The following PCDH11X variants were observed in gnomAD, a reference collection of about 807,000 sequenced individuals.
The protein encoded by PCDH11X is protocadherin-11 X-linked.
PCDH11X carries 18 observed loss-of-function variants against 53.3 expected under a neutral mutation model. That is an observed-to-expected ratio of 0.34 (90% CI 0.23 to 0.50). The LOEUF (loss-of-function observed/expected upper bound fraction) is 0.50, where lower values mean the gene tolerates loss of function less well. Among genes scored for constraint, PCDH11X ranks in the 20% least tolerant of loss-of-function variants. PCDH11X has a pLI of 0.98. For synonymous variants in PCDH11X, 279 were observed against 393.3 expected (o/e 0.71, Z 3.44); for missense variants, 570 against 1,032.4 (o/e 0.55, Z 6.14).
intron 6 of PCDH11X, among the ~76,000 whole-genome samples, chrX:92,056,656 T>C (rs960521977): frequency 4.5e-5 from 5 of 110,389 alleles, no homozygotes; most frequent in African/African-American, 1.3e-4. Flanking sequence ...GAGATTCTTA[T>C]AGTTTTGGAC....
rs180797543 is a variant in PCDH11X, at chrX:92,399,050, G to T, written c.3343+11117G>T. On this transcript the variant is annotated intron_variant, in intron 9 of 10. Transcript: ENST00000682573. The stretch of plus-strand genomic sequence containing the variant: ...CTACTAAAAATATAAAAAATTAGCC[G>T]GTCGTGGTGGTGGGCGCCTGTGGTC... Among the ~76,000 whole-genome samples the T allele has an allele frequency of 7.6e-3, 830 of 108,716 alleles. 15 individuals are homozygous for T. Among genetic ancestry groups the T allele is most frequent in the African/African-American group, 0.027 (802 of 29,822 alleles). 94.4% of individuals were successfully genotyped at this position (108,716 alleles called of 115,157 possible).
chrX:92,128,440 C>T (rs1289007724), intron 6 of PCDH11X, among the ~76,000 whole-genome samples: 2 of 107,598 alleles, frequency 1.9e-5, no homozygotes, highest in African/African-American at 3.4e-5. Context: ...TGTTGTTGCC[C>T]AGGCTGAAGT....
At chrX:92,423,914 A>G in intron 9 of PCDH11X, among the ~76,000 whole-genome samples, 1 of 96,922 alleles carries the variant, frequency 1.0e-5, no homozygotes, top group African/African-American at 3.3e-5. Context: ...AAAGTCAGGT[A>G]ATATGATGCC....
At chrX:92,349,901 T>C (rs893492819) in intron 8 of PCDH11X, among the ~76,000 whole-genome samples, 2 of 107,823 alleles carry the variant, frequency 1.9e-5, no homozygotes, top group African/African-American at 6.8e-5. Flanking sequence ...AGCTTAGGTG[T>C]ATTAAATGCA....
chrX:92,563,047 GTTTTTTTTTTTTTTTTTTTT>G (rs61411325), intron 10 of PCDH11X, among the ~76,000 whole-genome samples: 2 of 43,859 alleles, frequency 4.6e-5, no homozygotes, highest in African/African-American at 1.9e-4. Flanking sequence ...CCTTGGTACC[GTTTTTTTTTTTTTTTTTTTT>G]TTTTTTTTTT....
At chrX:92,182,733 C>T (rs980367718) in intron 6 of PCDH11X, among the ~76,000 whole-genome samples, 9 of 111,775 alleles carry the variant, frequency 8.1e-5, no homozygotes, top group African/African-American at 2.9e-4. Context: ...ATGACTTACT[C>T]CTCCTTGCTG....
intron 6 of PCDH11X, among the ~76,000 whole-genome samples, chrX:92,181,944 G>C (rs1335487429): frequency 2.7e-5 from 3 of 112,396 alleles, no homozygotes; most frequent in Non-Finnish European, 5.6e-5. Flanking sequence ...GTACCCACTG[G>C]GGTGTTGCCT....
chrX:92,019,087 G>A (rs1435083308), intron 6 of PCDH11X, among the ~76,000 whole-genome samples: 1 of 111,193 alleles, frequency 9.0e-6, no homozygotes, highest in African/African-American at 3.3e-5. Flanking sequence ...AAGACACTGA[G>A]AGTGGATGGA....
chrX:92,297,210 AAATC>A (rs2068627365), intron 8 of PCDH11X, among the ~76,000 whole-genome samples: 1 of 109,819 alleles, frequency 9.1e-6, no homozygotes, highest in African/African-American at 3.3e-5. Flanking sequence ...CTCTGTTATA[AAATC>A]TTTGCCAGGT....
At position 92,552,436 on chromosome X, in the gene PCDH11X, C is replaced by T. The variant is rs748435156; in HGVS notation, c.3368-65828C>T. Among the ~76,000 whole-genome samples the T allele has an allele frequency of 9.5e-5, 10 of 105,122 alleles. No homozygotes were observed. The South Asian group carries it at 1.3e-3, about 14-fold the overall frequency. 91.3% of individuals were successfully genotyped at this position (105,122 alleles called of 115,157 possible). A position where few individuals can be genotyped will look rare whatever the true frequency, so the allele number is the denominator to read the frequency against. ...GTTCATGAGTTCTAACAGTTTCGTT[C>T]GTGCAGTCTTAGGTTTTTCCAAATA... On this transcript the variant is annotated intron_variant, in intron 10 of 10. Transcript: ENST00000682573.
At chrX:92,516,542 G>T (rs1245460230) in intron 10 of PCDH11X, among the ~76,000 whole-genome samples, 1 of 111,732 alleles carries the variant, frequency 8.9e-6, no homozygotes, top group South Asian at 3.7e-4. Context: ...AATATACAAC[G>T]CTGAGACTAG....
intron 6 of PCDH11X, among the ~76,000 whole-genome samples, chrX:91,947,285 G>A (rs1242883393): frequency 1.8e-5 from 2 of 109,272 alleles, no homozygotes; most frequent in Admixed American, 2.0e-4. Context: ...AAATCTTGAT[G>A]CGAAGGGCAT....
chrX:92,022,128 C>T (rs1486276572), intron 6 of PCDH11X, among the ~76,000 whole-genome samples: 5 of 107,269 alleles, frequency 4.7e-5, no homozygotes, highest in African/African-American at 6.8e-5. Flanking sequence ...TGCAAAATAA[C>T]GAGCTAGCAT....
chrX:92,384,631 C>T (rs2070972595), intron 8 of PCDH11X, among the ~76,000 whole-genome samples: 1 of 93,945 alleles, frequency 1.1e-5, no homozygotes, highest in Non-Finnish European at 2.2e-5. Flanking sequence ...GTGGTGAAAT[C>T]GTAGAGATTC....
intron 6 of PCDH11X, among the ~76,000 whole-genome samples, chrX:92,132,607 CA>C (rs2065001345): frequency 1.2e-5 from 1 of 80,828 alleles, no homozygotes. Flanking sequence ...AACTCCGTCT[CA>C]AAAGAAAAAA....
chrX:92,027,291 G>T (rs1455104262), intron 6 of PCDH11X, among the ~76,000 whole-genome samples: 6 of 111,491 alleles, frequency 5.4e-5, no homozygotes, highest in African/African-American at 2.0e-4. Flanking sequence ...CAATTACCAA[G>T]GGGCTTATTG....
chrX:92,042,620 C>G (rs1213565473), intron 6 of PCDH11X, among the ~76,000 whole-genome samples: 1 of 95,819 alleles, frequency 1.0e-5, no homozygotes, highest in Non-Finnish European at 2.0e-5. Flanking sequence ...GCTCAGGAAG[C>G]TATAAAGTTG....
intron 4 of PCDH11X, among the ~76,000 whole-genome samples, chrX:91,818,623 T>G (rs942295120): frequency 1.8e-5 from 2 of 109,777 alleles, no homozygotes; most frequent in Non-Finnish European, 3.8e-5. Flanking sequence ...GAGAATCTCT[T>G]GAACCTGGGA....
At chrX:92,031,384 C>T (rs1350136141) in intron 6 of PCDH11X, among the ~76,000 whole-genome samples, 2 of 98,883 alleles carry the variant, frequency 2.0e-5, no homozygotes, top group Admixed American at 2.5e-4. Flanking sequence ...GGTTATTAAT[C>T]CTTTATCAGA....
Sources: gnomAD v4.1 joint callset for allele counts (sites outside exome capture counted in the v4.1 genomes callset) on GRCh38, gnomAD v4.1.1 for gene constraint, MANE v1.5 for transcripts, NCBI Gene and HGNC (gene_info 2026-07-23, HGNC 2026-07-21) for gene names.